Variants in GSG1L observed in about 807,000 individuals in gnomAD.
GSG1L encodes the protein germ cell-specific gene 1-like protein.
GSG1L carries 24 observed loss-of-function variants against 42.1 expected under a neutral mutation model. The ratio of observed to expected loss-of-function variants is 0.57; its 90% CI spans 0.41 to 0.80. GSG1L has a LOEUF of 0.80. Among genes scored for constraint, GSG1L ranks in the 30% least tolerant of loss-of-function variants. The pLI is 0.00. For synonymous variants in GSG1L, 215 were observed against 203.5 expected (o/e 1.06, Z -0.48); for missense variants, 445 against 472.2 (o/e 0.94, Z 0.53).
Position 28,063,005 on chromosome 16 carries a change from G to T in GSG1L, c.349+71C>A. 1 of 1,278,718 alleles carries T rather than the reference G, an allele frequency of 7.8e-7. No individual in the cohort carries two copies. Among genetic ancestry groups the T allele is most frequent in the Non-Finnish European group, 9.9e-7 (1 of 1,013,902 alleles). 79.2% of individuals were successfully genotyped at this position (1,278,718 alleles called of 1,614,324 possible). A position where few individuals can be genotyped will look rare whatever the true frequency, so the allele number is the denominator to read the frequency against. On this transcript the variant is annotated intron_variant, in intron 1 of 6. Transcript: ENST00000447459. This position sits in a 1 kb window ranked among gnomAD's most constrained non-coding sequence, Gnocchi z 5.8. ...CGGGAGGAGGGCGAACGGGTCCGGG[G>T]CTCGGGCCTCGATGGCCGCGCCGCC...
intron 2 of GSG1L, among the ~76,000 whole-genome samples, chr16:27,889,337 C>T (rs1243804665): frequency 2.6e-5 from 4 of 151,986 alleles, no homozygotes; most frequent in South Asian, 2.1e-4. Context: ...TTACTGGGCT[C>T]GGGAGCATCC....
At chr16:28,045,790 G>A (rs2086152623) in intron 1 of GSG1L, among the ~76,000 whole-genome samples, 1 of 152,062 alleles carries the variant, frequency 6.6e-6, no homozygotes, top group African/African-American at 2.4e-5. Context: ...GAGCTCAGGA[G>A]TTTGAGACCA....
chr16:28,030,756 A>AATGGGATGGGAGGGGATGGGATGGG (rs2085948646), intron 1 of GSG1L, among the ~76,000 whole-genome samples: 1 of 95,794 alleles, frequency 1.0e-5, no homozygotes, highest in Admixed American at 1.2e-4. Flanking sequence ...GTTAGGATGG[A>AATGGGATGGGAGGGGATGGGATGGG]ATGGGATGGG....
chr16:27,881,448 G>T (rs972269571), intron 3 of GSG1L, among the ~76,000 whole-genome samples: 1 of 151,962 alleles, frequency 6.6e-6, no homozygotes, highest in Non-Finnish European at 1.5e-5. Context: ...CACCATGTTA[G>T]TCAGGCTGGT....
intron 1 of GSG1L, among the ~76,000 whole-genome samples, chr16:27,995,915 C>T (rs1168870489): frequency 6.6e-6 from 1 of 151,490 alleles, no homozygotes; most frequent in Non-Finnish European, 1.5e-5. Flanking sequence ...CACACACACA[C>T]ACAGCCAGGC....
chr16:27,905,756 G>C (rs1002067811), intron 2 of GSG1L, among the ~76,000 whole-genome samples: 1 of 152,080 alleles, frequency 6.6e-6, no homozygotes, highest in Non-Finnish European at 1.5e-5. Context: ...AGGGCGGGGC[G>C]GGGGATGCAT....
intron 2 of GSG1L, among the ~76,000 whole-genome samples, chr16:27,947,574 A>C (rs1467421373): frequency 3.3e-5 from 3 of 90,170 alleles, no homozygotes; most frequent in African/African-American, 1.2e-4. Flanking sequence ...AGAAAGAAAG[A>C]AAGAAAGAAA....
intron 3 of GSG1L, among the ~76,000 whole-genome samples, chr16:27,853,152 A>C (rs1364313232): frequency 6.6e-6 from 1 of 152,190 alleles, no homozygotes; most frequent in East Asian, 1.9e-4. Flanking sequence ...GAAAAAATAA[A>C]TCTCTTATCT....
rs2085412863 is a variant in GSG1L, at chr16:27,988,422, T to G, written c.350-25219A>C. ...TGGTTTTTGCTGAAGGAAAAGTAAT[T>G]TTTTCTAGTTTAGAGGTTATTTAAA... On this transcript the variant is annotated intron_variant, in intron 1 of 6. Transcript: ENST00000447459. 2.6e-5 allele frequency among the ~76,000 whole-genome samples: 4 copies of G among 152,036 alleles called. No individual in the cohort carries two copies. The South Asian group carries it at 8.3e-4, about 32-fold the overall frequency.
chr16:27,944,741 C>T (rs1240495336), intron 2 of GSG1L, among the ~76,000 whole-genome samples: 3 of 151,880 alleles, frequency 2.0e-5, no homozygotes, highest in Non-Finnish European at 4.4e-5. Context: ...TCTATGCCTT[C>T]GTTTTTATGT....
At chr16:28,009,495 G>T (rs2085688697) in intron 1 of GSG1L, among the ~76,000 whole-genome samples, 1 of 152,300 alleles carries the variant, frequency 6.6e-6, no homozygotes, top group East Asian at 1.9e-4. Context: ...GTTCCACGAG[G>T]GCAGAGTCCC....
intron 6 of GSG1L, among the ~76,000 whole-genome samples, chr16:27,800,531 G>A (rs183495570): frequency 2.0e-5 from 3 of 152,262 alleles, no homozygotes; most frequent in Admixed American, 6.5e-5. Flanking sequence ...TGGCAACATC[G>A]CCTCCATCAA....
At chr16:27,851,526 T>A (rs1185243432) in intron 3 of GSG1L, among the ~76,000 whole-genome samples, 1 of 152,054 alleles carries the variant, frequency 6.6e-6, no homozygotes, top group Non-Finnish European at 1.5e-5. Flanking sequence ...TTCACCCCCC[T>A]TCTCTCCAGC....
At chr16:28,012,447 G>A (rs1188425131) in intron 1 of GSG1L, among the ~76,000 whole-genome samples, 2 of 152,092 alleles carry the variant, frequency 1.3e-5, no homozygotes, top group African/African-American at 4.8e-5. Context: ...TGACAATATT[G>A]ATTAAATATT....
intron 2 of GSG1L, among the ~76,000 whole-genome samples, chr16:27,886,855 T>C (rs1013159123): frequency 2.0e-5 from 3 of 152,208 alleles, no homozygotes; most frequent in Admixed American, 1.3e-4. Flanking sequence ...CATGGACCCA[T>C]GACCCAAGTC....
intron 2 of GSG1L, among the ~76,000 whole-genome samples, chr16:27,890,343 G>A (rs2084111083): frequency 6.6e-6 from 1 of 152,206 alleles, no homozygotes; most frequent in South Asian, 2.1e-4. Context: ...TGGAAGCCAG[G>A]TTGGGGAAGC....
At chr16:28,036,829 A>G (rs2086044040) in intron 1 of GSG1L, among the ~76,000 whole-genome samples, 1 of 152,080 alleles carries the variant, frequency 6.6e-6, no homozygotes, top group South Asian at 2.1e-4. Context: ...GCATTTCAAC[A>G]CAGCTCCCAG....
chr16:27,913,974 C>G lies in GSG1L; in HGVS notation c.398-29336G>C, dbSNP rs570411723. On this transcript the variant is annotated intron_variant, in intron 2 of 6. Transcript: ENST00000447459. ...CAGCAATAACTGGTAAAATTTGAGC[C>G]TATTTCCTTCCAGTTTTTTTTTTTT... 2.0e-5 allele frequency among the ~76,000 whole-genome samples: 3 copies of G among 149,156 alleles called. No homozygotes were observed. The Admixed American group carries it at 2.0e-4, about 10-fold the overall frequency.
intron 1 of GSG1L, among the ~76,000 whole-genome samples, chr16:27,965,445 C>A (rs1457309902): frequency 6.6e-6 from 1 of 152,048 alleles, no homozygotes; most frequent in Non-Finnish European, 1.5e-5. Flanking sequence ...TTTTCTTCAC[C>A]TAAAAGTTTC....
Sources: gnomAD v4.1 joint callset for allele counts (sites outside exome capture counted in the v4.1 genomes callset) on GRCh38, gnomAD v4.1.1 for gene constraint, Gnocchi (gnomAD v3.1) non-coding constraint, MANE v1.5 for transcripts, NCBI Gene and HGNC (gene_info 2026-07-23, HGNC 2026-07-21) for gene names.